Variants in JAML observed in about 807,000 individuals in gnomAD.
The protein encoded by JAML is junction adhesion molecule like.
JAML carries 25 observed loss-of-function variants against 39.3 expected under a neutral mutation model. The observed-to-expected ratio is 0.64, with a 90% confidence interval of 0.46 to 0.89. JAML has a LOEUF of 0.89. JAML is among the 40% of genes least tolerant of loss of function. The pLI is 0.00. For missense variants in JAML, 440 were observed against 486.9 expected, an observed-to-expected ratio of 0.90 and a Z score of 0.91; for synonymous variants, 162 against 179.2, an observed-to-expected ratio of 0.90 and a Z score of 0.77.
chr11:118,203,988 T>C, intron 5 of JAML: 1 of 297,576 alleles, frequency 3.4e-6, no homozygotes, highest in South Asian at 3.7e-5. Flanking sequence ...TCTAGTTGGA[T>C]TTCCAATAGG....
At chr11:118,212,888 T>C (rs767876656) in intron 2 of JAML, 2 of 1,614,258 alleles carry the variant, frequency 1.2e-6, no homozygotes, top group Admixed American at 3.3e-5. Flanking sequence ...TTTCTGATCA[T>C]CAATTTAGAA....
At chr11:118,209,849 T>TTTTTC (rs372006426) in intron 4 of JAML, among the ~76,000 whole-genome samples, 1 of 151,802 alleles carries the variant, frequency 6.6e-6, no homozygotes, top group Non-Finnish European at 1.5e-5. Flanking sequence ...TTTTTCTTTT[T>TTTTTC]TTTTCTTTTC....
Position 118,222,345 on chromosome 11 carries a change from A to G in JAML, c.-21+2596T>C, listed in dbSNP as rs191853138. Among the ~76,000 whole-genome samples the G allele has an allele frequency of 4.6e-5, 7 of 152,292 alleles. No homozygotes were observed. The East Asian group carries it at 9.7e-4, about 21-fold the overall frequency. On this transcript the variant is annotated intron_variant, in intron 1 of 9. Coordinates refer to ENST00000356289, the MANE Select transcript of JAML (RefSeq NM_001098526.2). This position sits in a 1 kb window ranked among gnomAD's most constrained non-coding sequence, Gnocchi z 4.2. ...TGAAGTGGGAGGATCACTTGAGCCCAGGAGGCTGAGGCTGCAGCGAGTTGT... is the reference window on the plus strand; with the variant it reads ...TGAAGTGGGAGGATCACTTGAGCCCGGGAGGCTGAGGCTGCAGCGAGTTGT...
intron 4 of JAML, among the ~76,000 whole-genome samples, chr11:118,208,547 G>T (rs1272170105): frequency 6.6e-6 from 1 of 152,214 alleles, no homozygotes; most frequent in Non-Finnish European, 1.5e-5. Flanking sequence ...AGAGAGGAAG[G>T]CAGGGTGCAC....
rs1215543240 is a variant in JAML at position 118,222,087 on chromosome 11, G to A, written c.-21+2854C>T. Reference sequence around the variant, plus strand: ...GTCAGAAATCAACTTAATTAAAGACGATATTTGGGCTGTATGTATACAGAT... The same window carrying A: ...GTCAGAAATCAACTTAATTAAAGACAATATTTGGGCTGTATGTATACAGAT... On this transcript the variant is annotated intron_variant, in intron 1 of 9. Transcript: ENST00000356289. This position sits in a 1 kb window ranked among gnomAD's most constrained non-coding sequence, Gnocchi z 4.2. Among the ~76,000 whole-genome samples the A allele has an allele frequency of 2.0e-5, 3 of 152,166 alleles. No individual in the cohort carries two copies. Among genetic ancestry groups the A allele is most frequent in the Non-Finnish European group, 4.4e-5 (3 of 68,032 alleles).
intron 7 of JAML, among the ~76,000 whole-genome samples, chr11:118,199,693 ATTTTTTTT>A (rs34379845): frequency 1.9e-5 from 2 of 107,124 alleles, no homozygotes; most frequent in South Asian, 3.4e-4. Flanking sequence ...TATTATTATT[ATTTTTTTT>A]TTTTTTTTTT....
At chr11:118,212,255 T>G (rs1949076882) in intron 3 of JAML, 152 bp downstream of exon 3, 1 of 900,612 alleles carries the variant, frequency 1.1e-6, no homozygotes, top group East Asian at 2.6e-5. Flanking sequence ...ACCAAATTCC[T>G]GAGCTAGGAC....
At position 118,222,820 on chromosome 11, in the gene JAML, C is replaced by G. The variant is rs1949222907; in HGVS notation, c.-21+2121G>C. Among the ~76,000 whole-genome samples, 1 of 152,088 alleles carries G rather than the reference C, an allele frequency of 6.6e-6. No homozygotes were observed. Among genetic ancestry groups the G allele is most frequent in the Non-Finnish European group, 1.5e-5 (1 of 68,014 alleles). On this transcript the variant is annotated intron_variant, in intron 1 of 9. Transcript: ENST00000356289. The surrounding 1 kb of genome is among the most constrained non-coding windows in gnomAD (Gnocchi z 4.2). Reference sequence around the variant, plus strand: ...CTAAAAGAGTAATGGGACAGCTGGGCATGGTGGCTCACGCCTGTCATCCCA... The same window carrying G: ...CTAAAAGAGTAATGGGACAGCTGGGGATGGTGGCTCACGCCTGTCATCCCA...
At chr11:118,216,544 G>A (rs910782762) in intron 1 of JAML, among the ~76,000 whole-genome samples, 1 of 152,080 alleles carries the variant, frequency 6.6e-6, no homozygotes, top group African/African-American at 2.4e-5. Flanking sequence ...CCTTTAAAAG[G>A]GATTGATAAT....
rs199817225 is a variant in JAML at position 118,203,580 on chromosome 11, T to C, written c.620A>G (p.Asn207Ser). The C allele has an allele frequency of 1.2e-6, 2 of 1,614,164 alleles. No individual in the cohort carries two copies. Among genetic ancestry groups the C allele is most frequent in the African/African-American group, 1.3e-5 (1 of 75,030 alleles). Residue 207 changes from asparagine (N) to serine (S), a missense_variant, in exon 6 of 10, where the codon AAC becomes AGC. Coordinates refer to ENST00000356289, the MANE Select transcript of JAML (RefSeq NM_001098526.2). ...QSWGHFQNRV[N>S]LVGDIFRNDG... ...ATTGCGGAAAATGTCCCCCACCAGG[T>C]TCACACGATTCTGGAAGTGGCCCCA...
At chr11:118,203,399 TCAA>T (rs1948852545) in intron 6 of JAML, 26 bp downstream of exon 6, 1 of 1,599,708 alleles carries the variant, frequency 6.3e-7, no homozygotes, top group Admixed American at 1.7e-5. Flanking sequence ...AGGAGGTCCC[TCAA>T]TGCTCCCCAG....
rs947146525 is a variant in JAML, at chr11:118,197,855, A to T, written c.1005+143T>A. ...CTCCGCAGAGGCTCTTACTTTAGTG[A>T]CAAAGGCTTCCTGAGTCCCTGCTCT... On this transcript the variant is annotated intron_variant, in intron 8 of 9. Transcript: ENST00000356289. 1.2e-5 allele frequency: 9 copies of T among 741,446 alleles called. No homozygotes were observed. In the Middle Eastern group the frequency reaches 1.6e-3, roughly 129 times the overall value. 45.9% of individuals were successfully genotyped at this position (741,446 alleles called of 1,614,324 possible).
At chr11:118,213,185 G>A (rs2134671187) in intron 2 of JAML, 2 of 1,377,094 alleles carry the variant, frequency 1.5e-6, no homozygotes, top group East Asian at 2.7e-5. Flanking sequence ...TTCACACAGG[G>A]ACCCCTGCCC....
At chr11:118,205,704 G>A (rs1948901350) in intron 5 of JAML, 178 bp downstream of exon 5, 5 of 594,768 alleles carry the variant, frequency 8.4e-6, no homozygotes, top group Middle Eastern at 3.9e-4. Context: ...TCTTGTTCTT[G>A]TTCTTCATTG....
chr11:118,220,358 T>C (rs1949197726), intron 1 of JAML, among the ~76,000 whole-genome samples: 1 of 152,132 alleles, frequency 6.6e-6, no homozygotes, highest in Admixed American at 6.5e-5. Context: ...GGAACGCTTT[T>C]CCTCAGCGAG....
At chr11:118,216,760 G>A (rs1292031429) in intron 1 of JAML, among the ~76,000 whole-genome samples, 2 of 152,140 alleles carry the variant, frequency 1.3e-5, no homozygotes, top group African/African-American at 4.8e-5. Context: ...GAACCTTGTT[G>A]TAACAATGGG....
At chr11:118,214,962 C>T (rs1045647013) in intron 1 of JAML, 76 bp from the exon 2 acceptor site, 1 of 1,315,954 alleles carries the variant, frequency 7.6e-7, no homozygotes, top group East Asian at 2.3e-5. Flanking sequence ...TAGTGAAGGA[C>T]TATACGGAGC....
chr11:118,195,554 C>T (rs1239401480), intron 9 of JAML, among the ~76,000 whole-genome samples: 3 of 152,144 alleles, frequency 2.0e-5, no homozygotes, highest in South Asian at 2.1e-4. Flanking sequence ...ACTCACTGCA[C>T]GCCCCGAGGT....
intron 4 of JAML, 36 bp downstream of exon 4, chr11:118,210,451 G>A (rs1949026194): frequency 6.2e-7 from 1 of 1,603,488 alleles, no homozygotes; most frequent in Admixed American, 1.7e-5. Flanking sequence ...GAAAGCTCTT[G>A]CCCCTTGGCC....
Sources: allele counts gnomAD v4.1 joint callset (sites outside exome capture counted in the v4.1 genomes callset), GRCh38; gene constraint gnomAD v4.1.1; non-coding constraint Gnocchi (gnomAD v3.1); transcripts MANE v1.5; gene names NCBI Gene and HGNC (gene_info 2026-07-23, HGNC 2026-07-21).